The following KCNJ3 variants were observed in gnomAD, a reference collection of about 807,000 sequenced individuals.
KCNJ3 encodes G protein-activated inward rectifier potassium channel 1.
In KCNJ3, 4 loss-of-function variants were observed where a neutral mutation model predicts 39.2. That is an observed-to-expected ratio of 0.10 (90% CI 0.05 to 0.23). The LOEUF is 0.23. Ranked by LOEUF, KCNJ3 falls within the 10% of genes least tolerant of loss-of-function variation. The pLI is 1.00. For missense variants in KCNJ3, 276 were observed against 634.9 expected (o/e 0.43, Z 6.08); for synonymous variants, 230 against 237.4 (o/e 0.97, Z 0.29).
chr2:154,822,821 ATATAG>A (rs1284354917), intron 2 of KCNJ3, among the ~76,000 whole-genome samples: 1 of 152,008 alleles, frequency 6.6e-6, no homozygotes, highest in Non-Finnish European at 1.5e-5. Context: ...AAATAATCTG[ATATAG>A]TAGACAGAAA....
chr2:154,809,592 C>A (rs140415066), intron 2 of KCNJ3, among the ~76,000 whole-genome samples: 1 of 152,218 alleles, frequency 6.6e-6, no homozygotes, highest in East Asian at 1.9e-4. Context: ...CCACAGAAAG[C>A]CTTGGCTTGA....
chr2:154,842,869 G>T (rs1307040586), intron 2 of KCNJ3, among the ~76,000 whole-genome samples: 3 of 152,100 alleles, frequency 2.0e-5, no homozygotes, highest in Non-Finnish European at 4.4e-5. Flanking sequence ...ACAGCACACT[G>T]ATGCGTCTTG....
intron 1 of KCNJ3, among the ~76,000 whole-genome samples, chr2:154,709,161 T>C (rs1377916395): frequency 6.6e-6 from 1 of 152,210 alleles, no homozygotes; most frequent in Non-Finnish European, 1.5e-5. Flanking sequence ...TAAATCTCTT[T>C]CAAAATGATG....
chr2:154,770,925 C>G (rs1374084251), intron 2 of KCNJ3, among the ~76,000 whole-genome samples: 1 of 109,404 alleles, frequency 9.1e-6, no homozygotes, highest in African/African-American at 3.5e-5. Context: ...GAGTCTTTCT[C>G]TGTTGCCCAG....
At chr2:154,792,104 G>C (rs1255305232) in intron 2 of KCNJ3, among the ~76,000 whole-genome samples, 2 of 151,992 alleles carry the variant, frequency 1.3e-5, no homozygotes, top group Non-Finnish European at 2.9e-5. Context: ...GCTCCTACTT[G>C]TCTTCCTGGG....
At chr2:154,818,918 CTTTTTTTTTTTTTTT>C (rs57668487) in intron 2 of KCNJ3, among the ~76,000 whole-genome samples, 3 of 52,430 alleles carry the variant, frequency 5.7e-5, no homozygotes, top group East Asian at 8.2e-4. Flanking sequence ...CTGCAAAAGC[CTTTTTTTTTTTTTTT>C]TTTTTTTTTT....
At chr2:154,717,472 T>G (rs1475893487) in intron 2 of KCNJ3, among the ~76,000 whole-genome samples, 2 of 152,160 alleles carry the variant, frequency 1.3e-5, no homozygotes, top group Admixed American at 6.5e-5. Flanking sequence ...CAGAGGTAAT[T>G]GGGTCCTTCA....
intron 2 of KCNJ3, 62 bp downstream of exon 2, chr2:154,709,881 A>G: frequency 1.3e-6 from 2 of 1,562,642 alleles, no homozygotes; most frequent in Middle Eastern, 1.7e-4. Flanking sequence ...TATGATATGC[A>G]CAATACCTGT....
At chr2:154,742,393 CAG>C (rs1015031213) in intron 2 of KCNJ3, among the ~76,000 whole-genome samples, 23 of 151,792 alleles carry the variant, frequency 1.5e-4, no homozygotes, top group African/African-American at 5.5e-4. Flanking sequence ...GGTGTATACT[CAG>C]AAGTAAAATT....
intron 2 of KCNJ3, among the ~76,000 whole-genome samples, chr2:154,721,621 C>G (rs1469534770): frequency 6.6e-6 from 1 of 151,048 alleles, no homozygotes. Context: ...ATAGTGGAAG[C>G]CAGAATATTA....
chr2:154,794,423 C>T (rs1172923625), intron 2 of KCNJ3, among the ~76,000 whole-genome samples: 1 of 151,876 alleles, frequency 6.6e-6, no homozygotes, highest in Non-Finnish European at 1.5e-5. Flanking sequence ...TATTTCAAAA[C>T]GTTTGATTTG....
Position 154,855,495 on chromosome 2 carries a change from G to A in KCNJ3, c.*182G>A. On this transcript the variant is annotated 3_prime_UTR_variant, in exon 3 of 3. Transcript: ENST00000295101. ...CAGAAAGCAACAGTTACGGAGGGAG[G>A]ACATCATAAGGAAGTTATTAACGGG... 1.8e-6 allele frequency: 1 copy of A among 542,778 alleles called. No individual in the cohort carries two copies. Among genetic ancestry groups the A allele is most frequent in the East Asian group, 2.9e-5 (1 of 34,608 alleles). 33.6% of individuals were successfully genotyped at this position (542,778 alleles called of 1,614,324 possible).
At chr2:154,721,998 G>A (rs187142633) in intron 2 of KCNJ3, among the ~76,000 whole-genome samples, 3 of 152,206 alleles carry the variant, frequency 2.0e-5, no homozygotes, top group Non-Finnish European at 4.4e-5. Flanking sequence ...GTTAACATTT[G>A]TCAATAATCT....
At chr2:154,712,029 CT>C (rs1685109401) in intron 2 of KCNJ3, among the ~76,000 whole-genome samples, 1 of 152,050 alleles carries the variant, frequency 6.6e-6, no homozygotes, top group African/African-American at 2.4e-5. Flanking sequence ...TTAATTAAAC[CT>C]GTTTTCTAGA....
Position 154,699,017 on chromosome 2 carries a change from G to T in KCNJ3, c.242G>T (p.Arg81Leu). 1 of 1,614,200 alleles carries T rather than the reference G, an allele frequency of 6.2e-7. No individual in the cohort carries two copies. The highest frequency in any genetic ancestry group is 8.5e-7 in the Non-Finnish European group (1 of 1,180,032). Residue 81 changes from arginine to leucine, a missense_variant, in exon 1 of 3, where the codon CGC becomes CTC. Arg to Leu is a moderately radical substitution (Grantham distance 102). Around this residue, in one of 4 missense-constraint regions of KCNJ3, gnomAD observed 46 missense variants for 206.6 expected, o/e 0.22. Coordinates refer to ENST00000295101, the MANE Select transcript of KCNJ3 (RefSeq NM_002239.4). The surrounding 1 kb of genome is among the most constrained non-coding windows in gnomAD (Gnocchi z 6.4). The stretch of plus-strand genomic sequence containing the variant: ...ACCACGCTGGTGGACCTCAAGTGGC[G>T]CTGGAACCTCTTCATCTTCATTCTC... ...LFTTLVDLKW[R>L]WNLFIFILTY...
intron 2 of KCNJ3, among the ~76,000 whole-genome samples, chr2:154,842,616 G>A (rs1687593456): frequency 6.6e-6 from 1 of 152,170 alleles, no homozygotes; most frequent in East Asian, 1.9e-4. Flanking sequence ...TTATGAATCT[G>A]AGTGCTCCTG....
chr2:154,726,835 A>ACACACACC lies in KCNJ3; in HGVS notation c.919+17016_919+17017insCACACACC, dbSNP rs1553455093. ...CACACACACACACACACACACACAC[A>ACACACACC]TACACCATGGAATACTACTCAGCCA... is the stretch of plus-strand genomic sequence containing the variant. On this transcript the variant is annotated intron_variant, in intron 2 of 2. Transcript: ENST00000295101. 4.4e-3 allele frequency among the ~76,000 whole-genome samples: 435 copies of ACACACACC among 98,240 alleles called. 2 individuals carry two copies. The highest frequency in any genetic ancestry group is 8.3e-3 in the African/African-American group (298 of 35,804). 64.4% of individuals were successfully genotyped at this position (98,240 alleles called of 152,430 possible).
At chr2:154,851,469 T>C (rs973865654) in intron 2 of KCNJ3, among the ~76,000 whole-genome samples, 31 of 152,232 alleles carry the variant, frequency 2.0e-4, no homozygotes, top group African/African-American at 7.5e-4. Flanking sequence ...CTATGTCTTT[T>C]ACTTTCAAAC....
chr2:154,708,749 T>C (rs1216274111), intron 1 of KCNJ3, among the ~76,000 whole-genome samples: 1 of 152,218 alleles, frequency 6.6e-6, no homozygotes, highest in East Asian at 1.9e-4. Context: ...AATTTTCTCA[T>C]AGAACCCTAG....
Sources: gnomAD v4.1 joint callset for allele counts (sites outside exome capture counted in the v4.1 genomes callset) on GRCh38, gnomAD v4.1.1 for gene constraint, gnomAD v4.1.1 regional missense constraint, Gnocchi (gnomAD v3.1) non-coding constraint, MANE v1.5 for transcripts, NCBI Gene and HGNC (gene_info 2026-07-23, HGNC 2026-07-21) for gene names.